Variants in FBLN2 observed in about 807,000 individuals in gnomAD.
The protein encoded by FBLN2 is fibulin 2.
In FBLN2, 81 loss-of-function variants were observed where a neutral mutation model predicts 123.7. The ratio of observed to expected loss-of-function variants is 0.65; its 90% confidence interval spans 0.55 to 0.79. FBLN2 has a LOEUF of 0.79. Among genes scored for constraint, FBLN2 ranks in the 30% least tolerant of loss-of-function variants. The pLI is 0.00. For missense variants in FBLN2, 1,603 were observed against 1,681.3 expected (o/e 0.95, Z 0.81); for synonymous variants, 699 against 701.4 (o/e 1.00, Z 0.05).
chr3:13,629,311 A>G lies in FBLN2; in HGVS notation c.2842+19A>G, dbSNP rs766042050. The G allele has an allele frequency of 1.3e-6, 2 of 1,596,512 alleles. No individual in the cohort carries two copies. The highest frequency in any genetic ancestry group is 1.1e-5 in the South Asian group (1 of 88,192). On this transcript the variant is annotated intron_variant, in intron 13 of 17. Transcript: ENST00000404922. The stretch of plus-strand genomic sequence containing the variant: ...TGCATCGGTAGGTAGGCTGGTGGCC[A>G]GGACCCCTGGGGAACACCTGGCTGG...
At chr3:13,624,458 C>T (rs898662883) in intron 9 of FBLN2, among the ~76,000 whole-genome samples, 4 of 152,224 alleles carry the variant, frequency 2.6e-5, no homozygotes, top group Non-Finnish European at 5.9e-5. Flanking sequence ...CTTGCCCAGC[C>T]AAGCCTTCCT....
At chr3:13,602,538 T>C (rs1705066700) in intron 2 of FBLN2, among the ~76,000 whole-genome samples, 2 of 152,240 alleles carry the variant, frequency 1.3e-5, no homozygotes, top group African/African-American at 2.4e-5. Flanking sequence ...TTAAGGTACA[T>C]ATTAGATACA....
rs1257826641 is a variant in FBLN2, at chr3:13,571,336, G to T, written c.981G>T (p.Gly327=). 1 of 1,608,608 alleles carries T rather than the reference G, an allele frequency of 6.2e-7. No homozygotes were observed. Among genetic ancestry groups the T allele is most frequent in the Non-Finnish European group, 8.5e-7 (1 of 1,177,958 alleles). Residue 327 remains glycine (G), a synonymous_variant, in exon 2 of 18, where the codon GGG becomes GGT. Transcript: ENST00000404922. ...LPIQEERAEA[G]ARAEAGARPE... ...TCCAGGAGGAGAGGGCAGAAGCTGG[G>T]GCAAGGGCAGAAGCTGGGGCAAGGC...
chr3:13,558,828 T>A (rs974555531), intron 1 of FBLN2, among the ~76,000 whole-genome samples: 2 of 136,446 alleles, frequency 1.5e-5, no homozygotes, highest in Non-Finnish European at 3.2e-5. Flanking sequence ...TACCCATTCA[T>A]CCATCTACCT....
In FBLN2 at chr3:13,564,804, G is replaced by A. The variant is rs974819155; in HGVS notation, c.-41-5511G>A. 3.3e-5 allele frequency among the ~76,000 whole-genome samples: 5 copies of A among 152,248 alleles called. No individual in the cohort carries two copies. In the South Asian group the frequency reaches 1.0e-3, roughly 31 times the overall value. ...CGCCAGCCCAGAGAGGTTTCATCTG[G>A]GGCCTGCTGTGGATGAATGTGAAGG... is the stretch of plus-strand genomic sequence containing the variant. On this transcript the variant is annotated intron_variant, in intron 1 of 17. Transcript: ENST00000404922.
intron 1 of FBLN2, among the ~76,000 whole-genome samples, chr3:13,568,138 G>A (rs530508505): frequency 1.7e-3 from 264 of 152,260 alleles, no homozygotes; most frequent in South Asian, 5.2e-3. Context: ...TGTGAGGGCA[G>A]GGGCGTCAGC....
intron 10 of FBLN2, among the ~76,000 whole-genome samples, chr3:13,627,450 G>A (rs1161142634): frequency 1.3e-5 from 2 of 152,186 alleles, no homozygotes; most frequent in African/African-American, 4.8e-5. Context: ...AAGCAGGCTT[G>A]GGAGCCAGTC....
chr3:13,549,189 GC>G lies in FBLN2; in HGVS notation c.-59del. 2.0e-6 allele frequency: 2 copies of G among 983,314 alleles called. No homozygotes were observed. Among genetic ancestry groups the G allele is most frequent in the South Asian group, 9.4e-5 (2 of 21,268 alleles). The allele number at this position is 983,314 out of a possible 1,614,324, so 60.9% of individuals were successfully genotyped here. A position where few individuals can be genotyped will look rare whatever the true frequency, so the allele number is the denominator to read the frequency against. ...CGGCCGGGCGGACGGACGGACGGAC[GC>G]CGAGCGCAGTGCCCCGCGGTGAGTG... On this transcript the variant is annotated 5_prime_UTR_variant, in exon 1 of 18. Transcript: ENST00000404922.
chr3:13,562,880 C>T (rs979232637), intron 1 of FBLN2, among the ~76,000 whole-genome samples: 7 of 152,216 alleles, frequency 4.6e-5, no homozygotes, highest in Non-Finnish European at 8.8e-5. Context: ...TGGAATCACA[C>T]AGGATTTGTC....
intron 9 of FBLN2, 92 bp downstream of exon 9, chr3:13,622,007 C>A: frequency 1.4e-6 from 2 of 1,418,332 alleles, no homozygotes; most frequent in Non-Finnish European, 1.9e-6. Flanking sequence ...GCCAAAGGGC[C>A]TGCCCTTTGC....
At chr3:13,564,536 A>G (rs1703689738) in intron 1 of FBLN2, among the ~76,000 whole-genome samples, 1 of 152,224 alleles carries the variant, frequency 6.6e-6, no homozygotes, top group Admixed American at 6.5e-5. Context: ...ACTGTACAGG[A>G]CATCCTTAAA....
At chr3:13,624,465 T>C (rs1270988525) in intron 9 of FBLN2, among the ~76,000 whole-genome samples, 1 of 152,204 alleles carries the variant, frequency 6.6e-6, no homozygotes, top group Non-Finnish European at 1.5e-5. Context: ...AGCCAAGCCT[T>C]CCTTGGAAAC....
Position 13,626,432 on chromosome 3 carries a change from G to A in FBLN2, c.2297-13G>A, listed in dbSNP as rs181404456. On this transcript the variant is annotated splice_polypyrimidine_tract_variant and intron_variant, in intron 9 of 17. Coordinates refer to ENST00000404922, the MANE Select transcript of FBLN2 (RefSeq NM_001004019.2). ...GGACTCTGCAGCCTCTGATGGCCTC[G>A]CTCTCCCTGCAGACATCAACGAGTG... The A allele has an allele frequency of 2.0e-5, 32 of 1,562,856 alleles. No individual in the cohort carries two copies. In the African/African-American group the frequency reaches 2.3e-4, roughly 11 times the overall value.
chr3:13,550,080 C>G (rs1289234125), intron 1 of FBLN2, among the ~76,000 whole-genome samples: 4 of 152,254 alleles, frequency 2.6e-5, no homozygotes, highest in Non-Finnish European at 5.9e-5. Flanking sequence ...ATCACAAACA[C>G]TGGGAGTGCC....
intron 2 of FBLN2, among the ~76,000 whole-genome samples, chr3:13,577,273 G>T (rs1171796220): frequency 6.6e-6 from 1 of 151,988 alleles, no homozygotes; most frequent in East Asian, 1.9e-4. Context: ...ATGGACAGGG[G>T]AGTCCTCCCT....
intron 2 of FBLN2, among the ~76,000 whole-genome samples, chr3:13,605,754 T>A (rs1705182709): frequency 6.6e-6 from 1 of 152,174 alleles, no homozygotes; most frequent in Non-Finnish European, 1.5e-5. Context: ...TTGCGTGTGC[T>A]TAACTGTATA....
intron 4 of FBLN2, among the ~76,000 whole-genome samples, chr3:13,610,747 A>G (rs1009295158): frequency 7.9e-5 from 12 of 152,190 alleles, no homozygotes; most frequent in Non-Finnish European, 1.3e-4. Context: ...TGCAGGCTGG[A>G]GGAAGGCAGG....
At chr3:13,562,588 C>G (rs1703642324) in intron 1 of FBLN2, among the ~76,000 whole-genome samples, 1 of 152,158 alleles carries the variant, frequency 6.6e-6, no homozygotes, top group African/African-American at 2.4e-5. Flanking sequence ...ATCTCCTGAC[C>G]TCATGATCCA....
chr3:13,633,881 G>C (rs149392759), intron 16 of FBLN2, among the ~76,000 whole-genome samples: 450 of 151,718 alleles, frequency 3.0e-3, no homozygotes, highest in African/African-American at 0.01. Context: ...TGACTGAGCT[G>C]AGTGGGAACC....
Sources: allele counts gnomAD v4.1 joint callset (sites outside exome capture counted in the v4.1 genomes callset), GRCh38; gene constraint gnomAD v4.1.1; transcripts MANE v1.5; gene names NCBI Gene and HGNC (gene_info 2026-07-23, HGNC 2026-07-21).